EPHA7: variants seen among roughly 807,000 people sequenced by gnomAD.
The protein encoded by EPHA7 is ephrin type-A receptor 7.
In EPHA7, 25 loss-of-function variants were observed where a neutral mutation model predicts 112.6. That is an observed-to-expected ratio of 0.22 (90% confidence interval 0.16 to 0.31). The LOEUF (loss-of-function observed/expected upper bound fraction) is 0.31. Ranked by LOEUF, EPHA7 falls within the 10% of genes least tolerant of loss-of-function variation. The pLI is 1.00. For synonymous variants in EPHA7, 437 were observed against 406.5 expected (o/e 1.07, Z -0.90); for missense variants, 962 against 1,212.6 (o/e 0.79, Z 3.07).
chr6:93,258,818 CTA>C (rs1188410275), intron 10 of EPHA7, among the ~76,000 whole-genome samples: 3 of 151,010 alleles, frequency 2.0e-5, no homozygotes, highest in African/African-American at 7.3e-5. Flanking sequence ...TTTATATGCA[CTA>C]TGTCTACTGG....
intron 2 of EPHA7, 119 bp downstream of exon 2, chr6:93,414,584 C>A: frequency 1.3e-6 from 1 of 755,922 alleles, no homozygotes; most frequent in Admixed American, 2.4e-5. Flanking sequence ...TAATATTGGA[C>A]AAGATATTTG....
intron 5 of EPHA7, among the ~76,000 whole-genome samples, chr6:93,277,417 C>T (rs1423635646): frequency 6.6e-6 from 1 of 151,852 alleles, no homozygotes; most frequent in Admixed American, 6.6e-5. Flanking sequence ...AATTTCACAA[C>T]ATTTCAATTT....
intron 3 of EPHA7, among the ~76,000 whole-genome samples, chr6:93,360,683 A>G (rs1359059477): frequency 5.3e-5 from 8 of 152,146 alleles, no homozygotes; most frequent in Non-Finnish European, 7.4e-5. Context: ...TCAAGAATCT[A>G]TATGATACTA....
At chr6:93,244,939 G>A (rs1455109764) in intron 16 of EPHA7, among the ~76,000 whole-genome samples, 1 of 152,130 alleles carries the variant, frequency 6.6e-6, no homozygotes, top group Non-Finnish European at 1.5e-5. Context: ...TAACTACAGA[G>A]GAAGCCTCAC....
At chr6:93,296,710 T>C (rs984734206) in intron 5 of EPHA7, among the ~76,000 whole-genome samples, 3 of 151,522 alleles carry the variant, frequency 2.0e-5, no homozygotes, top group African/African-American at 7.3e-5. Context: ...GAGGAGAAAA[T>C]GGCATGATGC....
At chr6:93,333,565 A>C (rs1347734453) in intron 5 of EPHA7, among the ~76,000 whole-genome samples, 1 of 151,806 alleles carries the variant, frequency 6.6e-6, no homozygotes, top group Non-Finnish European at 1.5e-5. Flanking sequence ...GTTTTTAATG[A>C]TATCATCCTG....
rs149582429 is a variant in EPHA7 at position 93,357,992 on chromosome 6, C to A, written c.988+264G>T. ...ATAACTTTTAATTTTACTTATGATT[C>A]TTATGAGATACATGTGAAAAATATT... On this transcript the variant is annotated intron_variant, in intron 4 of 16. Transcript: ENST00000369303. Among the ~76,000 whole-genome samples, 148 of 152,170 alleles carry A rather than the reference C, an allele frequency of 9.7e-4. 2 individuals carry two copies. The highest frequency in any genetic ancestry group is 3.4e-3 in the African/African-American group (141 of 41,522).
chr6:93,379,987 GTTTC>G (rs1777253752), intron 3 of EPHA7, among the ~76,000 whole-genome samples: 2 of 151,982 alleles, frequency 1.3e-5, no homozygotes, highest in African/African-American at 4.8e-5. Context: ...AAAAGATTTT[GTTTC>G]TTTGTTTGTT....
At chr6:93,389,475 T>C (rs75995195) in intron 3 of EPHA7, among the ~76,000 whole-genome samples, 2,820 of 152,152 alleles carry the variant, frequency 0.019, 45 homozygotes, top group Non-Finnish European at 0.027. Flanking sequence ...ATATTCTTGA[T>C]AATTATTTAC....
At chr6:93,373,684 T>C (rs1293512212) in intron 3 of EPHA7, among the ~76,000 whole-genome samples, 1 of 152,048 alleles carries the variant, frequency 6.6e-6, no homozygotes, top group Admixed American at 6.6e-5. Flanking sequence ...GCTCTCATGA[T>C]TCACCAATAT....
chr6:93,314,858 CTT>C (rs777231219), intron 5 of EPHA7, among the ~76,000 whole-genome samples: 218 of 101,336 alleles, frequency 2.2e-3, no homozygotes, highest in Middle Eastern at 9.4e-3. Flanking sequence ...ATATAATTTT[CTT>C]TTTTTTTTTT....
chr6:93,405,496 T>C (rs1052838020), intron 3 of EPHA7, among the ~76,000 whole-genome samples: 1 of 151,678 alleles, frequency 6.6e-6, no homozygotes, highest in Non-Finnish European at 1.5e-5. Flanking sequence ...CACCATGAGG[T>C]TTCTTTACTT....
chr6:93,322,725 C>G (rs1774135489), intron 5 of EPHA7, among the ~76,000 whole-genome samples: 1 of 151,486 alleles, frequency 6.6e-6, no homozygotes, highest in Admixed American at 6.6e-5. Context: ...CTCATTGTAT[C>G]AAATAGGGAT....
At chr6:93,360,378 C>T (rs1220460706) in intron 3 of EPHA7, among the ~76,000 whole-genome samples, 1 of 152,112 alleles carries the variant, frequency 6.6e-6, no homozygotes, top group African/African-American at 2.4e-5. Context: ...TCACAACTCG[C>T]TGTCTGAGAC....
intron 5 of EPHA7, among the ~76,000 whole-genome samples, chr6:93,305,597 GCTTT>G (rs1773215484): frequency 6.6e-6 from 1 of 151,876 alleles, no homozygotes; most frequent in South Asian, 2.1e-4. Flanking sequence ...TCTGAGTGTG[GCTTT>G]CTTTTTCATT....
chr6:93,311,504 A>T (rs1773539419), intron 5 of EPHA7, among the ~76,000 whole-genome samples: 1 of 152,082 alleles, frequency 6.6e-6, no homozygotes, highest in South Asian at 2.1e-4. Flanking sequence ...GATTGTGGCA[A>T]TTCAGTCATA....
At chr6:93,391,000 A>C (rs113618232) in intron 3 of EPHA7, among the ~76,000 whole-genome samples, 1,812 of 152,090 alleles carry the variant, frequency 0.012, 40 homozygotes, top group African/African-American at 0.041. Flanking sequence ...ACTCTCCATG[A>C]AGCACTGCAG....
rs1041786895 is a variant in EPHA7 at position 93,402,202 on chromosome 6, T to C, written c.832+8299A>G. Among the ~76,000 whole-genome samples, 9 of 151,990 alleles carry C rather than the reference T, an allele frequency of 5.9e-5. 1 individual carries two copies. In the South Asian group the frequency reaches 8.3e-4, roughly 14 times the overall value. ...TTTCCTTATGTTCTCCCCCCTTTCA[T>C]CAGTTCTTTCTATCCTTCTTTATTT... On this transcript the variant is annotated intron_variant, in intron 3 of 16. Coordinates refer to ENST00000369303, the MANE Select transcript of EPHA7 (RefSeq NM_004440.4).
chr6:93,251,411 T>C (rs1255960167), intron 14 of EPHA7, among the ~76,000 whole-genome samples: 1 of 151,858 alleles, frequency 6.6e-6, no homozygotes, highest in African/African-American at 2.4e-5. Context: ...TCCTAATATC[T>C]ACCTACTAGG....
Sources: allele counts gnomAD v4.1 joint callset (sites outside exome capture counted in the v4.1 genomes callset), GRCh38; gene constraint gnomAD v4.1.1; transcripts MANE v1.5; gene names NCBI Gene and HGNC (gene_info 2026-07-23, HGNC 2026-07-21).